The following CHRM3 variants were observed in gnomAD, a reference collection of about 807,000 sequenced individuals.
CHRM3 encodes cholinergic receptor muscarinic 3.
In CHRM3, 11 loss-of-function variants were observed where a neutral mutation model predicts 41.8. The observed-to-expected ratio is 0.26, with a 90% confidence interval of 0.17 to 0.44. The LOEUF is 0.44. CHRM3 is among the 20% of genes least tolerant of loss of function. The pLI, the probability that CHRM3 is intolerant of heterozygous loss-of-function variation, is 1.00. For synonymous variants in CHRM3, 297 were observed against 301.4 expected (o/e 0.99, Z 0.15); for missense variants, 571 against 745.4 (o/e 0.77, Z 2.72).
chr1:239,601,694 C>G (rs1298485300), intron 3 of CHRM3, among the ~76,000 whole-genome samples: 2 of 152,034 alleles, frequency 1.3e-5, no homozygotes, highest in Non-Finnish European at 2.9e-5. Flanking sequence ...ATAAAATATC[C>G]AATATAATAA....
chr1:239,437,332 A>G (rs558163215), intron 1 of CHRM3, among the ~76,000 whole-genome samples: 2 of 152,030 alleles, frequency 1.3e-5, no homozygotes, highest in African/African-American at 2.4e-5. Flanking sequence ...GTTGGTTTCA[A>G]ACTCCTGTCT....
At chr1:239,865,920 G>A (rs1159568819) in intron 6 of CHRM3, among the ~76,000 whole-genome samples, 1 of 152,152 alleles carries the variant, frequency 6.6e-6, no homozygotes, top group African/African-American at 2.4e-5. Context: ...GAGTAGGGAG[G>A]GGTGCGGGTG....
intron 6 of CHRM3, among the ~76,000 whole-genome samples, chr1:239,828,698 G>C (rs1672662120): frequency 6.6e-6 from 1 of 152,082 alleles, no homozygotes; most frequent in Non-Finnish European, 1.5e-5. Flanking sequence ...AGGGGTATGA[G>C]AGAAGGTCGG....
intron 1 of CHRM3, among the ~76,000 whole-genome samples, chr1:239,450,672 T>C (rs1664494812): frequency 6.6e-6 from 1 of 152,240 alleles, no homozygotes; most frequent in African/African-American, 2.4e-5. Context: ...CGTACATTTT[T>C]TATACTTTTG....
At chr1:239,554,398 T>C (rs935556369) in intron 3 of CHRM3, among the ~76,000 whole-genome samples, 1 of 152,036 alleles carries the variant, frequency 6.6e-6, no homozygotes. Flanking sequence ...AGAATTTACA[T>C]TTCTAGGTAG....
At chr1:239,576,166 G>C (rs935135298) in intron 3 of CHRM3, among the ~76,000 whole-genome samples, 9 of 152,028 alleles carry the variant, frequency 5.9e-5, no homozygotes, top group Non-Finnish European at 1.0e-4. Context: ...TTTTAAGGTT[G>C]AATAACGTCC....
Position 239,909,131 on chromosome 1 carries a change from G to A in CHRM3, c.1680G>A (p.Leu560=), listed in dbSNP as rs1680205943. The A allele has an allele frequency of 1.2e-6, 2 of 1,614,086 alleles. No homozygotes were observed. The highest frequency in any genetic ancestry group is 2.7e-5 in the African/African-American group (2 of 75,010). ...GAACCACTTTCAAGATGCTGCTGCT[G>A]TGCCAGTGTGACAAAAAAAAGAGGC... The part of the protein sequence containing the change: ...TFRTTFKMLL[L]CQCDKKKRRK... Residue 560 remains leucine, a synonymous_variant, in exon 7 of 7, where the codon CTG becomes CTA. Transcript: ENST00000676153.
At chr1:239,903,651 C>T (rs1390385554) in intron 6 of CHRM3, among the ~76,000 whole-genome samples, 1 of 152,218 alleles carries the variant, frequency 6.6e-6, no homozygotes, top group Admixed American at 6.5e-5. Context: ...CATCATCATG[C>T]TGTCTCTGTT....
chr1:239,516,098 T>G (rs1192891694), intron 2 of CHRM3, among the ~76,000 whole-genome samples: 1 of 152,234 alleles, frequency 6.6e-6, no homozygotes, highest in Non-Finnish European at 1.5e-5. Flanking sequence ...CTGAGCTTTT[T>G]TTTTGTGCTT....
intron 5 of CHRM3, chr1:239,707,294 G>A (rs754879704): frequency 6.6e-6 from 1 of 152,090 alleles, no homozygotes; most frequent in Non-Finnish European, 1.5e-5. Context: ...ATATGCTTAT[G>A]CACAGACTGA....
intron 2 of CHRM3, among the ~76,000 whole-genome samples, chr1:239,520,456 C>T (rs954255952): frequency 3.9e-5 from 6 of 152,122 alleles, no homozygotes; most frequent in African/African-American, 1.4e-4. Context: ...TGTGGCACCC[C>T]GCTTGCTCTC....
intron 4 of CHRM3, among the ~76,000 whole-genome samples, chr1:239,672,575 T>G (rs1458036381): frequency 6.7e-6 from 1 of 148,530 alleles, no homozygotes; most frequent in Non-Finnish European, 1.5e-5. Flanking sequence ...TGAGTTCATT[T>G]AAACCATGTC....
intron 4 of CHRM3, among the ~76,000 whole-genome samples, chr1:239,659,680 C>G (rs1327703472): frequency 6.6e-6 from 1 of 152,098 alleles, no homozygotes; most frequent in East Asian, 1.9e-4. Flanking sequence ...ATAAACATTC[C>G]CCTTCAGATT....
At chr1:239,746,759 T>C (rs1375645069) in intron 5 of CHRM3, among the ~76,000 whole-genome samples, 1 of 151,990 alleles carries the variant, frequency 6.6e-6, no homozygotes, top group Admixed American at 6.6e-5. Context: ...ATTTCTTTCT[T>C]TCTTTCTTTT....
At chr1:239,721,625 A>C (rs555840170) in intron 5 of CHRM3, among the ~76,000 whole-genome samples, 85 of 152,066 alleles carry the variant, frequency 5.6e-4, no homozygotes, top group African/African-American at 1.9e-3. Context: ...AAGGACTCAA[A>C]AATGTCCTTT....
At chr1:239,883,121 C>T (rs1032748152) in intron 6 of CHRM3, among the ~76,000 whole-genome samples, 5 of 152,224 alleles carry the variant, frequency 3.3e-5, no homozygotes, top group Admixed American at 6.5e-5. Context: ...CACACAACAA[C>T]ATTTAATCAC....
intron 3 of CHRM3, among the ~76,000 whole-genome samples, chr1:239,594,836 T>C (rs1664605746): frequency 6.6e-6 from 1 of 152,204 alleles, no homozygotes; most frequent in South Asian, 2.1e-4. Flanking sequence ...ATGCCTATAA[T>C]CCCAGCACTT....
intron 5 of CHRM3, among the ~76,000 whole-genome samples, chr1:239,710,789 T>C (rs1661698310): frequency 6.6e-6 from 1 of 152,002 alleles, no homozygotes; most frequent in South Asian, 2.1e-4. Context: ...TTAATAAATA[T>C]GGCTTTAGAG....
intron 4 of CHRM3, among the ~76,000 whole-genome samples, chr1:239,660,419 AT>A (rs879507307): frequency 2.0e-5 from 3 of 152,090 alleles, no homozygotes; most frequent in Non-Finnish European, 4.4e-5. Context: ...AATCACTTAC[AT>A]TTCTTCAAGG....
Sources: allele counts gnomAD v4.1 joint callset (sites outside exome capture counted in the v4.1 genomes callset), GRCh38; gene constraint gnomAD v4.1.1; transcripts MANE v1.5; gene names NCBI Gene and HGNC (gene_info 2026-07-23, HGNC 2026-07-21).